The following KCND2 variants were observed in gnomAD, a reference collection of about 807,000 sequenced individuals.
The protein encoded by KCND2 is potassium voltage-gated channel subfamily D member 2, also known as A-type voltage-gated potassium channel KCND2.
A neutral mutation model predicts 54.4 loss-of-function variants in KCND2; 16 were observed. The observed-to-expected ratio is 0.29, with a 90% CI of 0.20 to 0.45. The LOEUF (loss-of-function observed/expected upper bound fraction) is 0.45, where lower values mean the gene tolerates loss of function less well. Ranked by LOEUF, KCND2 falls within the 20% of genes least tolerant of loss-of-function variation. The pLI, the probability that KCND2 is intolerant of heterozygous loss-of-function variation, is 1.00. For missense variants in KCND2, 486 were observed against 824.2 expected (o/e 0.59, Z 5.02); for synonymous variants, 317 against 310.7 (o/e 1.02, Z -0.21).
intron 1 of KCND2, among the ~76,000 whole-genome samples, chr7:120,321,723 C>T (rs1387618176): frequency 6.6e-6 from 1 of 152,108 alleles, no homozygotes; most frequent in African/African-American, 2.4e-5. Flanking sequence ...CTTTTCTTTA[C>T]ATATACTGCC....
At chr7:120,376,170 C>A (rs1279300328) in intron 1 of KCND2, among the ~76,000 whole-genome samples, 3 of 151,520 alleles carry the variant, frequency 2.0e-5, no homozygotes, top group Non-Finnish European at 3.0e-5. Context: ...TAAAGATAAT[C>A]AAAAATAACT....
intron 1 of KCND2, among the ~76,000 whole-genome samples, chr7:120,455,106 G>T (rs1480488614): frequency 6.6e-6 from 1 of 151,722 alleles, no homozygotes; most frequent in African/African-American, 2.4e-5. Context: ...TGGCCAAACT[G>T]CCCTAAAAAA....
In KCND2 at chr7:120,661,660, AAG is replaced by A. The variant is rs1311420056; in HGVS notation, c.1116-71241_1116-71240del. Among the ~76,000 whole-genome samples, 1,032 of 145,830 alleles carry A rather than the reference AAG, an allele frequency of 7.1e-3. 11 individuals are homozygous for A. Among genetic ancestry groups the A allele is most frequent in the African/African-American group, 0.026 (972 of 37,482 alleles). On this transcript the variant is annotated intron_variant, in intron 1 of 5. Transcript: ENST00000331113. ...GCTAGACTTCTTCTCAAAAAAAAAAAAGAAAGAAAGGAGAGCAGGAGGTCTGT... is the reference window on the plus strand; with the variant it reads ...GCTAGACTTCTTCTCAAAAAAAAAAAAAAGAAAGGAGAGCAGGAGGTCTGT...
intron 1 of KCND2, among the ~76,000 whole-genome samples, chr7:120,291,129 A>G (rs980951132): frequency 1.3e-5 from 2 of 151,978 alleles, no homozygotes; most frequent in Non-Finnish European, 2.9e-5. Flanking sequence ...TTTGTATTTT[A>G]TCTATGTGAT....
intron 1 of KCND2, among the ~76,000 whole-genome samples, chr7:120,297,281 G>T (rs1799526100): frequency 6.6e-6 from 1 of 151,956 alleles, no homozygotes. Context: ...ACATTACTTA[G>T]TTCCCACATA....
At chr7:120,681,936 A>G (rs1792144779) in intron 1 of KCND2, among the ~76,000 whole-genome samples, 1 of 152,030 alleles carries the variant, frequency 6.6e-6, no homozygotes, top group Non-Finnish European at 1.5e-5. Flanking sequence ...TGAAACTCCC[A>G]AAAAGGCATA....
chr7:120,573,707 A>G (rs1335447533), intron 1 of KCND2, among the ~76,000 whole-genome samples: 1 of 152,162 alleles, frequency 6.6e-6, no homozygotes, highest in Admixed American at 6.6e-5. Context: ...AATGCAAGAA[A>G]CCTAAAAGGG....
At chr7:120,687,636 T>C (rs1792220560) in intron 1 of KCND2, among the ~76,000 whole-genome samples, 2 of 151,964 alleles carry the variant, frequency 1.3e-5, no homozygotes, top group Admixed American at 1.3e-4. Context: ...GGGAACATAG[T>C]GGGACCCCAT....
Position 120,274,862 on chromosome 7 carries a change from A to T in KCND2, c.230A>T (p.His77Leu). 1 of 1,614,082 alleles carries T rather than the reference A, an allele frequency of 6.2e-7. No individual in the cohort carries two copies. Among genetic ancestry groups the T allele is most frequent in the South Asian group, 1.1e-5 (1 of 91,070 alleles). Residue 77 changes from histidine to leucine, a missense_variant, in exon 1 of 6, where the codon CAC (histidine) becomes CTC (leucine). His to Leu is a moderately conservative substitution (Grantham distance 99). Coordinates refer to ENST00000331113, the MANE Select transcript of KCND2 (RefSeq NM_012281.3). ...LGSSERDFFY[H>L]PETQQYFFDR... is the part of the protein sequence containing the mutation. The stretch of plus-strand genomic sequence containing the variant: ...AGTTCTGAGAGGGACTTTTTCTACC[A>T]CCCAGAAACTCAGCAGTATTTCTTT...
chr7:120,275,875 T>A, intron 1 of KCND2, 128 bp downstream of exon 1: 1 of 1,077,388 alleles, frequency 9.3e-7, no homozygotes, highest in Non-Finnish European at 1.4e-6. Context: ...AAGCATTATC[T>A]AAATGGTTTG....
At chr7:120,552,187 C>A (rs1349982215) in intron 1 of KCND2, among the ~76,000 whole-genome samples, 2 of 152,086 alleles carry the variant, frequency 1.3e-5, no homozygotes, top group African/African-American at 4.8e-5. Context: ...ATTAAAATTT[C>A]AATCATATTG....
chr7:120,297,717 C>G (rs1014856239), intron 1 of KCND2, among the ~76,000 whole-genome samples: 2 of 152,108 alleles, frequency 1.3e-5, no homozygotes, highest in Non-Finnish European at 2.9e-5. Flanking sequence ...GTTAAATGCA[C>G]TTCTGTTCAC....
At chr7:120,368,800 A>G (rs1362687129) in intron 1 of KCND2, among the ~76,000 whole-genome samples, 1 of 152,148 alleles carries the variant, frequency 6.6e-6, no homozygotes, top group Non-Finnish European at 1.5e-5. Flanking sequence ...AGAAGACTGT[A>G]ATAAAGACAT....
intron 4 of KCND2, among the ~76,000 whole-genome samples, chr7:120,743,035 C>A (rs1194549342): frequency 6.6e-6 from 1 of 152,116 alleles, no homozygotes; most frequent in African/African-American, 2.4e-5. Flanking sequence ...GGAATATAAG[C>A]ATTTGTTTCA....
intron 1 of KCND2, among the ~76,000 whole-genome samples, chr7:120,618,590 A>G (rs923307207): frequency 1.3e-5 from 2 of 152,142 alleles, no homozygotes; most frequent in African/African-American, 2.4e-5. Flanking sequence ...AAGAAAATAC[A>G]TACAATTATT....
intron 1 of KCND2, among the ~76,000 whole-genome samples, chr7:120,411,988 G>C (rs1801457820): frequency 1.3e-5 from 2 of 151,806 alleles, no homozygotes; most frequent in Non-Finnish European, 2.9e-5. Flanking sequence ...GCAACCAGAT[G>C]GTCAGATAGG....
intron 1 of KCND2, among the ~76,000 whole-genome samples, chr7:120,706,352 A>G (rs1792468595): frequency 2.0e-5 from 3 of 152,316 alleles, no homozygotes; most frequent in Middle Eastern, 6.8e-3. Context: ...AGTAAAGAAC[A>G]GAAATTTATT....
At chr7:120,489,198 A>G (rs890374455) in intron 1 of KCND2, among the ~76,000 whole-genome samples, 1 of 152,080 alleles carries the variant, frequency 6.6e-6, no homozygotes, top group Non-Finnish European at 1.5e-5. Context: ...AATAATTCTT[A>G]CATAAAAAAA....
intron 1 of KCND2, among the ~76,000 whole-genome samples, chr7:120,350,126 A>G (rs763229491): frequency 2.0e-5 from 3 of 152,132 alleles, no homozygotes; most frequent in Non-Finnish European, 4.4e-5. Context: ...TATGAAAACT[A>G]TGAAATCATT....
Sources: gnomAD v4.1 joint callset for allele counts (sites outside exome capture counted in the v4.1 genomes callset) on GRCh38, gnomAD v4.1.1 for gene constraint, MANE v1.5 for transcripts, NCBI Gene and HGNC (gene_info 2026-07-23, HGNC 2026-07-21) for gene names.